Variants in PREX2 observed in about 807,000 individuals in gnomAD.
The protein encoded by PREX2 is phosphatidylinositol-3,4,5-trisphosphate dependent Rac exchange factor 2.
In PREX2, 107 loss-of-function variants were observed where a neutral mutation model predicts 203.2. The observed-to-expected ratio is 0.53, with a 90% CI of 0.45 to 0.62. PREX2 has a LOEUF of 0.62. Ranked by LOEUF, PREX2 falls within the 20% of genes least tolerant of loss-of-function variation. PREX2 has a pLI of 0.00. For synonymous variants in PREX2, 672 were observed against 663.6 expected (o/e 1.01, Z -0.19); for missense variants, 1,777 against 1,955.9 (o/e 0.91, Z 1.72).
At chr8:68,055,791 G>T in intron 9 of PREX2, 39 bp from the exon 10 acceptor site, 1 of 1,586,876 alleles carries the variant, frequency 6.3e-7, no homozygotes, top group East Asian at 2.2e-5. Context: ...TGAATGAAGA[G>T]AATTTTCAGT....
At chr8:67,993,400 C>CTTTTTTTTTTTTTTTTTTTT (rs5892121) in intron 1 of PREX2, among the ~76,000 whole-genome samples, 1 of 108,228 alleles carries the variant, frequency 9.2e-6, no homozygotes, top group African/African-American at 3.2e-5. Flanking sequence ...TTACTTCAGT[C>CTTTTTTTTTTTTTTTTTTTT]TTTTTTTTTT....
intron 18 of PREX2, among the ~76,000 whole-genome samples, chr8:68,087,090 G>A (rs1221446162): frequency 1.3e-5 from 2 of 152,112 alleles, no homozygotes; most frequent in Non-Finnish European, 2.9e-5. Context: ...ACAGTACAGG[G>A]CAACTTACCA....
intron 12 of PREX2, among the ~76,000 whole-genome samples, chr8:68,069,521 G>A (rs1182886306): frequency 8.1e-6 from 1 of 123,416 alleles, no homozygotes; most frequent in Admixed American, 8.5e-5. Context: ...TATTATAGAT[G>A]TATTACTGTA....
intron 22 of PREX2, 63 bp downstream of exon 22, chr8:68,097,264 C>G (rs183013697): frequency 4.5e-6 from 6 of 1,341,678 alleles, no homozygotes; most frequent in East Asian, 2.4e-5. Context: ...AATCCTCCCT[C>G]TCCTTCACTT....
At chr8:68,075,327 C>T (rs1037000217) in intron 14 of PREX2, among the ~76,000 whole-genome samples, 1 of 152,164 alleles carries the variant, frequency 6.6e-6, no homozygotes, top group Non-Finnish European at 1.5e-5. Context: ...ACAAGCTTTT[C>T]TTGTAAGCTT....
At chr8:67,970,797 G>A (rs1230660947) in intron 1 of PREX2, among the ~76,000 whole-genome samples, 1 of 152,208 alleles carries the variant, frequency 6.6e-6, no homozygotes, top group Non-Finnish European at 1.5e-5. Flanking sequence ...GACAGAGACT[G>A]GGGATGCAGG....
chr8:68,060,205 C>T lies in PREX2; in HGVS notation c.1239-474C>T, dbSNP rs374212930. On this transcript the variant is annotated intron_variant, in intron 10 of 39. Transcript: ENST00000288368. ...GTACATGTGGTTTTGTTTTGTTCTT[C>T]CTTCCTGGATCTTTAAACTCACTGG... Among the ~76,000 whole-genome samples the T allele has an allele frequency of 1.7e-4, 26 of 152,268 alleles. No homozygotes were observed. In the East Asian group the frequency reaches 3.9e-3, roughly 23 times the overall value.
intron 37 of PREX2, among the ~76,000 whole-genome samples, chr8:68,213,442 T>C (rs1276198979): frequency 6.6e-6 from 1 of 152,170 alleles, no homozygotes; most frequent in Non-Finnish European, 1.5e-5. Flanking sequence ...AATCCACTCC[T>C]GCCAGCAACT....
intron 31 of PREX2, 23 bp from the exon 32 acceptor site, chr8:68,134,036 C>T (rs760033679): frequency 3.8e-6 from 6 of 1,597,284 alleles, no homozygotes; most frequent in Non-Finnish European, 5.1e-6. Context: ...TCGAAGCATT[C>T]TCTATGTTCT....
At chr8:68,044,878 G>A (rs937760362) in intron 8 of PREX2, among the ~76,000 whole-genome samples, 22 of 152,086 alleles carry the variant, frequency 1.4e-4, no homozygotes, top group African/African-American at 5.1e-4. Flanking sequence ...AGAGAGCACT[G>A]TGCAGAAAAG....
In PREX2 at chr8:68,139,378, G is replaced by A. The variant is rs559268036; in HGVS notation, c.4087+861G>A. 5.9e-5 allele frequency among the ~76,000 whole-genome samples: 9 copies of A among 152,252 alleles called. No individual in the cohort carries two copies. In the East Asian group the frequency reaches 9.7e-4, roughly 16 times the overall value. On this transcript the variant is annotated intron_variant, in intron 33 of 39. Coordinates refer to ENST00000288368, the MANE Select transcript of PREX2 (RefSeq NM_024870.4). ...CTGAGGCTGGGAGCAGACATGGCATGCTCTCAGGATAGGAAGTTGGCCTGC... is the reference window on the plus strand; with the variant it reads ...CTGAGGCTGGGAGCAGACATGGCATACTCTCAGGATAGGAAGTTGGCCTGC...
rs150917520 is a variant in PREX2 at position 68,078,407 on chromosome 8, C to G, written c.1642+938C>G. On this transcript the variant is annotated intron_variant, in intron 15 of 39. Coordinates refer to ENST00000288368, the MANE Select transcript of PREX2 (RefSeq NM_024870.4). ...CGAACTCCTGACCTCAAGTAATTTG[C>G]CTGCCCCAGCCTCCCAAAGTGCTGG... 9.7e-3 allele frequency among the ~76,000 whole-genome samples: 1,470 copies of G among 152,274 alleles called. 9 individuals carry two copies. Among genetic ancestry groups the G allele is most frequent in the Middle Eastern group, 0.041 (12 of 294 alleles).
chr8:68,156,805 T>G (rs1473000666), intron 34 of PREX2, among the ~76,000 whole-genome samples: 1 of 152,216 alleles, frequency 6.6e-6, no homozygotes, highest in Non-Finnish European at 1.5e-5. Flanking sequence ...TAAAACTATC[T>G]GTGATCATCT....
chr8:68,097,316 A>G (rs1391424225), intron 22 of PREX2, 115 bp downstream of exon 22: 2 of 792,424 alleles, frequency 2.5e-6, no homozygotes, highest in African/African-American at 3.8e-5. Context: ...CTGTCAGCTC[A>G]TTCAAACTTC....
intron 17 of PREX2, among the ~76,000 whole-genome samples, chr8:68,081,755 C>T (rs1286261745): frequency 2.0e-5 from 3 of 152,132 alleles, no homozygotes; most frequent in Non-Finnish European, 4.4e-5. Context: ...AGTCCAGTGG[C>T]ATGATCTCGG....
intron 5 of PREX2, among the ~76,000 whole-genome samples, chr8:68,029,562 A>C (rs1807820584): frequency 6.6e-6 from 1 of 152,164 alleles, no homozygotes; most frequent in South Asian, 2.1e-4. Flanking sequence ...AACTCAAAAG[A>C]ATATAACAAC....
chr8:68,078,327 A>G (rs923304894), intron 15 of PREX2, among the ~76,000 whole-genome samples: 2 of 152,194 alleles, frequency 1.3e-5, no homozygotes, highest in South Asian at 2.1e-4. Context: ...CACCACGTCT[A>G]ACTAACTTTT....
intron 1 of PREX2, among the ~76,000 whole-genome samples, chr8:67,953,583 T>A (rs1038164333): frequency 7.2e-5 from 11 of 152,138 alleles, no homozygotes; most frequent in African/African-American, 2.7e-4. Flanking sequence ...AAGGAAAATA[T>A]TTCAGGTGCC....
intron 1 of PREX2, among the ~76,000 whole-genome samples, chr8:68,014,177 T>A (rs1807345666): frequency 6.6e-6 from 1 of 152,236 alleles, no homozygotes; most frequent in African/African-American, 2.4e-5. Flanking sequence ...TATTTCATCT[T>A]AATGAGTTTC....
Sources: allele counts gnomAD v4.1 joint callset (sites outside exome capture counted in the v4.1 genomes callset), GRCh38; gene constraint gnomAD v4.1.1; transcripts MANE v1.5; gene names NCBI Gene and HGNC (gene_info 2026-07-23, HGNC 2026-07-21).